PTPN2: variants seen among roughly 807,000 people sequenced by gnomAD.
PTPN2 encodes the protein protein tyrosine phosphatase non-receptor type 2.
A neutral mutation model predicts 57.3 loss-of-function variants in PTPN2; 19 were observed. The observed-to-expected ratio is 0.33, with a 90% CI of 0.23 to 0.49. The LOEUF (loss-of-function observed/expected upper bound fraction) is 0.49, where lower values mean the gene tolerates loss of function less well. PTPN2 is among the 20% of genes least tolerant of loss of function. The probability of loss-of-function intolerance (pLI) is 0.99; values close to 1 mark genes in which losing one functional copy is unlikely to be tolerated. For missense variants in PTPN2, 358 were observed against 501.1 expected (o/e 0.71, Z 2.73); for synonymous variants, 153 against 164.9 (o/e 0.93, Z 0.55).
intron 1 of PTPN2, among the ~76,000 whole-genome samples, chr18:12,875,181 A>G (rs917241472): frequency 1.3e-5 from 2 of 152,198 alleles, no homozygotes; most frequent in African/African-American, 4.8e-5. Context: ...GGAAGGCCTC[A>G]GGGTCCTCTG....
chr18:12,796,432 G>C (rs1304629246), intron 8 of PTPN2, among the ~76,000 whole-genome samples: 1 of 152,120 alleles, frequency 6.6e-6, no homozygotes, highest in East Asian at 1.9e-4. Flanking sequence ...GAATCTTTCA[G>C]ACAAGAGAAA....
intron 2 of PTPN2, among the ~76,000 whole-genome samples, chr18:12,854,751 G>A (rs1436408243): frequency 6.6e-6 from 1 of 152,292 alleles, no homozygotes; most frequent in East Asian, 1.9e-4. Context: ...GTGAGAAGGA[G>A]AGAGAAACAG....
intron 7 of PTPN2, among the ~76,000 whole-genome samples, chr18:12,804,774 G>A (rs73404414): frequency 0.13 from 19,878 of 152,074 alleles, 1,404 homozygotes; most frequent in Non-Finnish European, 0.15. Flanking sequence ...CGGACTTGAT[G>A]GCTTCATGGC....
chr18:12,877,389 G>A (rs2044525178), intron 1 of PTPN2, among the ~76,000 whole-genome samples: 1 of 152,208 alleles, frequency 6.6e-6, no homozygotes, highest in Admixed American at 6.5e-5. Context: ...TAGTCTTGAA[G>A]ATGTTTCCCA....
chr18:12,797,597 C>T (rs1009900316), intron 8 of PTPN2, among the ~76,000 whole-genome samples: 1 of 152,162 alleles, frequency 6.6e-6, no homozygotes, highest in Non-Finnish European at 1.5e-5. Context: ...TTTAAGAACA[C>T]AATTCCAGAG....
At chr18:12,814,818 C>CATG (rs754671671) in intron 6 of PTPN2, among the ~76,000 whole-genome samples, 8 of 152,174 alleles carry the variant, frequency 5.3e-5, no homozygotes, top group African/African-American at 1.9e-4. Flanking sequence ...AGAGGCCAGG[C>CATG]ATGATGGCTC....
intron 2 of PTPN2, among the ~76,000 whole-genome samples, chr18:12,847,011 C>T: frequency 6.6e-6 from 1 of 150,750 alleles, no homozygotes; most frequent in Admixed American, 6.7e-5. Flanking sequence ...CTCTTTACTA[C>T]CCTATGACAA....
At chr18:12,848,192 CT>C (rs1286681449) in intron 2 of PTPN2, among the ~76,000 whole-genome samples, 2 of 152,166 alleles carry the variant, frequency 1.3e-5, no homozygotes, top group African/African-American at 4.8e-5. Context: ...ATGACAAGCA[CT>C]TTCTGGTAAG....
At chr18:12,825,349 G>A in intron 5 of PTPN2, among the ~76,000 whole-genome samples, 1 of 152,064 alleles carries the variant, frequency 6.6e-6, no homozygotes, top group East Asian at 1.9e-4. Flanking sequence ...ATTGCTTGCT[G>A]GGCATTTACT....
chr18:12,822,179 G>A (rs1050835688), intron 5 of PTPN2, among the ~76,000 whole-genome samples: 1 of 152,120 alleles, frequency 6.6e-6, no homozygotes, highest in Non-Finnish European at 1.5e-5. Flanking sequence ...AGAAGAGAGA[G>A]GACATTCTAG....
At chr18:12,840,715 T>G in intron 2 of PTPN2, 1 of 1,598,302 alleles carries the variant, frequency 6.3e-7, no homozygotes, top group Non-Finnish European at 8.5e-7. Context: ...AGAGATTACC[T>G]ATTTCCTGCA....
chr18:12,859,350 G>T (rs2043708122), intron 1 of PTPN2, 96 bp from the exon 2 acceptor site: 1 of 761,836 alleles, frequency 1.3e-6, no homozygotes, highest in Non-Finnish European at 2.2e-6. Flanking sequence ...AAGCACTTAT[G>T]ATATGCCAAG....
chr18:12,797,536 T>C (rs2145231118), intron 8 of PTPN2, among the ~76,000 whole-genome samples: 1 of 152,290 alleles, frequency 6.6e-6, no homozygotes, highest in South Asian at 2.1e-4. Context: ...AAGTGCACTA[T>C]ATAATTCAGG....
intron 2 of PTPN2, among the ~76,000 whole-genome samples, chr18:12,851,485 C>CAAAAAAA (rs1218202992): frequency 1.0e-4 from 1 of 9,888 alleles, no homozygotes; most frequent in South Asian, 6.3e-3. Context: ...GACTCCGTCT[C>CAAAAAAA]AAAAAAAAAA....
At chr18:12,873,686 G>T (rs571230626) in intron 1 of PTPN2, among the ~76,000 whole-genome samples, 13 of 145,272 alleles carry the variant, frequency 8.9e-5, no homozygotes, top group South Asian at 4.3e-4. Context: ...AGTGCCCAGA[G>T]TGCAGCCTCT....
chr18:12,873,352 G>A (rs1179414672), intron 1 of PTPN2, among the ~76,000 whole-genome samples: 2 of 152,162 alleles, frequency 1.3e-5, no homozygotes, highest in African/African-American at 2.4e-5. Flanking sequence ...AAGCTGGACT[G>A]TACTGCTGCC....
At position 12,844,753 on chromosome 18, in the gene PTPN2, G is replaced by C. The variant is rs570986941; in HGVS notation, c.161-7862C>G. The stretch of plus-strand genomic sequence containing the variant: ...TTGAGGAGCAGAAGTTTTTTATTTC[G>C]ATTTAGTATAAATTATTGATATTTT... On this transcript the variant is annotated intron_variant, in intron 2 of 8. Coordinates refer to ENST00000309660, the MANE Select transcript of PTPN2 (RefSeq NM_002828.4). Among the ~76,000 whole-genome samples, 6 of 152,074 alleles carry C rather than the reference G, an allele frequency of 3.9e-5. No homozygotes were observed. The East Asian group carries it at 5.8e-4, about 15-fold the overall frequency.
intron 5 of PTPN2, among the ~76,000 whole-genome samples, chr18:12,818,744 A>T (rs1211155639): frequency 1.3e-5 from 2 of 151,980 alleles, no homozygotes; most frequent in African/African-American, 4.8e-5. Flanking sequence ...TTATTATTAT[A>T]ATATCCTGCT....
At chr18:12,816,874 A>C (rs1252757957) in intron 6 of PTPN2, among the ~76,000 whole-genome samples, 1 of 152,188 alleles carries the variant, frequency 6.6e-6, no homozygotes, top group Non-Finnish European at 1.5e-5. Context: ...TATATTTGAA[A>C]AAATGTGGGG....
Sources: gnomAD v4.1 joint callset for allele counts (sites outside exome capture counted in the v4.1 genomes callset) on GRCh38, gnomAD v4.1.1 for gene constraint, MANE v1.5 for transcripts, NCBI Gene and HGNC (gene_info 2026-07-23, HGNC 2026-07-21) for gene names.